ARFGAP1: variants seen among roughly 807,000 people sequenced by gnomAD.
ARFGAP1 encodes ARF GTPase activating protein 1, also known as ADP-ribosylation factor GTPase-activating protein 1.
ARFGAP1 carries 26 observed loss-of-function variants against 54.0 expected under a neutral mutation model. The observed-to-expected ratio is 0.48, with a 90% CI of 0.35 to 0.67. ARFGAP1 has a LOEUF of 0.67. ARFGAP1 is among the 30% of genes least tolerant of loss of function. The pLI is 0.00. For missense variants in ARFGAP1, 525 were observed against 535.8 expected, an observed-to-expected ratio of 0.98 and a Z score of 0.20; for synonymous variants, 248 against 211.9, an observed-to-expected ratio of 1.17 and a Z score of -1.48.
chr20:63,286,437 G>T lies in ARFGAP1; in HGVS notation c.906G>T (p.Leu302Phe), dbSNP rs1312567474. 3.1e-6 allele frequency: 5 copies of T among 1,613,278 alleles called. No homozygotes were observed. The South Asian group carries it at 4.4e-5, about 14-fold the overall frequency. The part of the protein sequence containing the change: ...TFFSGKAEGP[L>F]DSPSEGHSYQ... ...TTTCGGGGAAAGCAGAGGGCCCCTT[G>T]GACAGGTATGCTGTGTCCCCTCCTG... is the stretch of plus-strand genomic sequence containing the variant. The change falls in exon 12 of 13, where the codon TTG (leucine) becomes TTT (phenylalanine). Residue 302 changes from leucine (L) to phenylalanine (F), a missense_variant. Leu to Phe is a conservative substitution (Grantham distance 22, BLOSUM62 0). Around this residue, in one of 3 missense-constraint regions of ARFGAP1, gnomAD observed 466 missense variants for 453.6 expected, o/e 1.03. Coordinates refer to ENST00000370283, the MANE Select transcript of ARFGAP1 (RefSeq NM_018209.4).
At chr20:63,285,429 G>A (rs1343387525) in intron 10 of ARFGAP1, 1 of 594,526 alleles carries the variant, frequency 1.7e-6, no homozygotes, top group Non-Finnish European at 3.0e-6. Context: ...TGTCAGCAGT[G>A]GCCGGCAGGG....
intron 1 of ARFGAP1, among the ~76,000 whole-genome samples, chr20:63,274,763 G>T (rs905630304): frequency 6.6e-6 from 1 of 152,156 alleles, no homozygotes; most frequent in African/African-American, 2.4e-5. Context: ...CCTTCCTCCG[G>T]CTTTGAATCT....
chr20:63,283,693 G>A (rs1196103194), intron 9 of ARFGAP1, among the ~76,000 whole-genome samples: 2 of 152,198 alleles, frequency 1.3e-5, no homozygotes. Context: ...GTCAGTTCCA[G>A]GGCAGGGAGC....
At chr20:63,283,624 T>G in intron 9 of ARFGAP1, 1 of 480,474 alleles carries the variant, frequency 2.1e-6, no homozygotes, top group Non-Finnish European at 3.7e-6. Context: ...CATCTGGCTT[T>G]TTCGTGGGCC....
chr20:63,288,055 T>A lies in ARFGAP1; in HGVS notation c.*182T>A, dbSNP rs1280108554. The A allele has an allele frequency of 1.4e-6, 1 of 723,180 alleles. No homozygotes were observed. 44.8% of individuals were successfully genotyped at this position (723,180 alleles called of 1,614,324 possible). ...CCGCCTGCGCGTGGGGAGTCTTCGG[T>A]GCGTGGGGGCGGCTTGCTGTCCAGC... On this transcript the variant is annotated 3_prime_UTR_variant, in exon 13 of 13. Coordinates refer to ENST00000370283, the MANE Select transcript of ARFGAP1 (RefSeq NM_018209.4).
At chr20:63,281,453 G>A in intron 8 of ARFGAP1, 106 bp downstream of exon 8, 1 of 1,354,166 alleles carries the variant, frequency 7.4e-7, no homozygotes, top group East Asian at 2.5e-5. Flanking sequence ...GGGACACAGA[G>A]GGTTTCTGGG....
chr20:63,273,095 C>G (rs1190246600), intron 1 of ARFGAP1, 175 bp downstream of exon 1: 1 of 152,164 alleles, frequency 6.6e-6, no homozygotes, highest in East Asian at 1.9e-4. Context: ...CCCCAGTTCC[C>G]TCGGCGCTGG....
chr20:63,283,746 C>T, intron 9 of ARFGAP1: 2 of 1,293,134 alleles, frequency 1.5e-6, no homozygotes, highest in Admixed American at 3.6e-5. Flanking sequence ...CCCGGTGCTG[C>T]CTTAGTGTTG....
At position 63,284,379 on chromosome 20, in the gene ARFGAP1, G is replaced by A. The variant is rs541746778; in HGVS notation, c.718-487G>A. 103 of 1,061,904 alleles carry A rather than the reference G, an allele frequency of 9.7e-5. 1 individual carries two copies. In the South Asian group the frequency reaches 2.4e-3, roughly 25 times the overall value. The allele number at this position is 1,061,904 out of a possible 1,614,324, so 65.8% of individuals were successfully genotyped here. On this transcript the variant is annotated intron_variant, in intron 9 of 12. Coordinates refer to ENST00000370283, the MANE Select transcript of ARFGAP1 (RefSeq NM_018209.4). Reference sequence around the variant, plus strand: ...CATCCCCAGGTGGCCGTGTGGCCTCGACTCCACTGACCCAGGATCAGGAGA... The same window carrying A: ...CATCCCCAGGTGGCCGTGTGGCCTCAACTCCACTGACCCAGGATCAGGAGA...
Position 63,277,190 on chromosome 20 carries a change from G to A in ARFGAP1, c.343-15G>A, listed in dbSNP as rs766710024. 2 of 1,609,686 alleles carry A rather than the reference G, an allele frequency of 1.2e-6. No homozygotes were observed. The highest frequency in any genetic ancestry group is 2.2e-5 in the South Asian group (2 of 90,948). On this transcript the variant is annotated splice_polypyrimidine_tract_variant and intron_variant, in intron 4 of 12. Coordinates refer to ENST00000370283, the MANE Select transcript of ARFGAP1 (RefSeq NM_018209.4). ...GCGCCTTTATGCTCTCGAATGCCCT[G>A]TGTCTCCTTGTCAGGTGGTCGCTCT... is the stretch of plus-strand genomic sequence containing the variant.
intron 1 of ARFGAP1, 47 bp from the exon 2 acceptor site, chr20:63,275,530 G>C (rs375366074): frequency 6.4e-7 from 1 of 1,567,140 alleles, no homozygotes; most frequent in Non-Finnish European, 8.8e-7. Flanking sequence ...CTTTTTTGTA[G>C]AGTAGCCTGT....
intron 6 of ARFGAP1, chr20:63,278,550 A>G (rs887862193): frequency 3.1e-5 from 14 of 456,250 alleles, no homozygotes; most frequent in East Asian, 8.3e-5. Flanking sequence ...AAGCGCTAAC[A>G]CTTAGAAGAA....
rs1215676430 is a variant in ARFGAP1 at position 63,276,756 on chromosome 20, G to T, written c.342+105G>T. The T allele has an allele frequency of 8.4e-6, 11 of 1,316,212 alleles. No homozygotes were observed. The highest frequency in any genetic ancestry group is 1.1e-5 in the Non-Finnish European group (11 of 977,974). The allele number at this position is 1,316,212 out of a possible 1,614,324, so 81.5% of individuals were successfully genotyped here. Reference sequence around the variant, plus strand: ...TGGTTCTGGAGTCGGTTCTTCTGCTGGTTCTGACACACCCACTGGGCCACA... The same window carrying T: ...TGGTTCTGGAGTCGGTTCTTCTGCTTGTTCTGACACACCCACTGGGCCACA... On this transcript the variant is annotated intron_variant, in intron 4 of 12. Transcript: ENST00000370283. This position sits in a 1 kb window ranked among gnomAD's most constrained non-coding sequence, Gnocchi z 5.2.
chr20:63,287,884 G>A lies in ARFGAP1; in HGVS notation c.*11G>A, dbSNP rs574330443. 8.0e-6 allele frequency: 12 copies of A among 1,504,030 alleles called. No homozygotes were observed. In the South Asian group the frequency reaches 1.1e-4, roughly 14 times the overall value. The allele number at this position is 1,504,030 out of a possible 1,614,324, so 93.2% of individuals were successfully genotyped here. On this transcript the variant is annotated 3_prime_UTR_variant, in exon 13 of 13. Transcript: ENST00000370283. ...AACCAGAACTGGTAGGGCCCACTGC[G>A]CCCCCGTCCCCAGCGCCCCCGGGCG...
At chr20:63,279,429 C>A (rs2067321480) in intron 7 of ARFGAP1, 1 of 339,244 alleles carries the variant, frequency 2.9e-6, no homozygotes, top group Non-Finnish European at 5.7e-6. Context: ...TGGTTTCGAA[C>A]TCCTGACTTC....
rs1434173095 is a variant in ARFGAP1 at position 63,288,008 on chromosome 20, C to T, written c.*135C>T. On this transcript the variant is annotated 3_prime_UTR_variant, in exon 13 of 13. Transcript: ENST00000370283. ...AGGACAGCGTCTCGGGAGGCAGGACCCTAGGGAGACCCGGGTGTGCGCCGC... is the reference window on the plus strand; with the variant it reads ...AGGACAGCGTCTCGGGAGGCAGGACTCTAGGGAGACCCGGGTGTGCGCCGC... The T allele has an allele frequency of 9.3e-7, 1 of 1,079,752 alleles. No homozygotes were observed. The allele number at this position is 1,079,752 out of a possible 1,614,324, so 66.9% of individuals were successfully genotyped here.
intron 1 of ARFGAP1, among the ~76,000 whole-genome samples, chr20:63,275,172 G>A (rs774594589): frequency 3.9e-4 from 60 of 152,370 alleles, no homozygotes; most frequent in Non-Finnish European, 8.1e-4. Flanking sequence ...CAAGTGTGGT[G>A]TGTCGCCTTT....
intron 7 of ARFGAP1, 105 bp from the exon 8 acceptor site, chr20:63,281,186 T>TG: frequency 7.9e-7 from 1 of 1,268,308 alleles, no homozygotes; most frequent in Admixed American, 2.1e-5. Context: ...GACGGGGGCC[T>TG]GGGGCAGCCT....
Position 63,284,997 on chromosome 20 carries a change from G to A in ARFGAP1, c.774+75G>A, listed in dbSNP as rs1027068845. ...ACGTGGGTGTGTCAGGGGTGTTAGG[G>A]GGATTGTTTGTCCAGCAGCTGGGAC... is the stretch of plus-strand genomic sequence containing the variant. On this transcript the variant is annotated intron_variant, in intron 10 of 12. Transcript: ENST00000370283. 7 of 1,548,890 alleles carry A rather than the reference G, an allele frequency of 4.5e-6. No individual in the cohort carries two copies. In the East Asian group the frequency reaches 1.6e-4, roughly 36 times the overall value.
Sources: allele counts gnomAD v4.1 joint callset (sites outside exome capture counted in the v4.1 genomes callset), GRCh38; gene constraint gnomAD v4.1.1; regional missense constraint gnomAD v4.1.1; non-coding constraint Gnocchi (gnomAD v3.1); transcripts MANE v1.5; gene names NCBI Gene and HGNC (gene_info 2026-07-23, HGNC 2026-07-21).